CBLB: variants seen among roughly 807,000 people sequenced by gnomAD.
The protein encoded by CBLB is E3 ubiquitin-protein ligase CBL-B.
In CBLB, 31 loss-of-function variants were observed where a neutral mutation model predicts 104.9. The observed-to-expected ratio is 0.30, with a 90% CI of 0.22 to 0.40. The LOEUF (loss-of-function observed/expected upper bound fraction) is 0.40, where lower values mean the gene tolerates loss of function less well. Ranked by LOEUF, CBLB falls within the 10% of genes least tolerant of loss-of-function variation. The pLI, the probability that CBLB is intolerant of heterozygous loss-of-function variation, is 1.00. For synonymous variants in CBLB, 440 were observed against 422.6 expected (o/e 1.04, Z -0.51); for missense variants, 1,062 against 1,214.6 (o/e 0.87, Z 1.87).
intron 3 of CBLB, among the ~76,000 whole-genome samples, chr3:105,815,100 T>A (rs905524525): frequency 2.6e-5 from 4 of 152,168 alleles, no homozygotes; most frequent in African/African-American, 9.7e-5. Context: ...CTTCAGAATG[T>A]GTTTATACAT....
At chr3:105,779,554 T>C (rs1188107451) in intron 3 of CBLB, among the ~76,000 whole-genome samples, 1 of 152,006 alleles carries the variant, frequency 6.6e-6, no homozygotes, top group Non-Finnish European at 1.5e-5. Flanking sequence ...ACTTATACAC[T>C]CACACACACT....
chr3:105,719,191 C>A (rs771375689), intron 10 of CBLB, among the ~76,000 whole-genome samples: 11 of 152,306 alleles, frequency 7.2e-5, no homozygotes, highest in South Asian at 2.1e-4. Flanking sequence ...TAGATTTGAA[C>A]AAAGAATATT....
chr3:105,755,344 G>A (rs1234208718), intron 4 of CBLB, among the ~76,000 whole-genome samples: 2 of 152,160 alleles, frequency 1.3e-5, no homozygotes, highest in African/African-American at 4.8e-5. Context: ...CTGGAAAGGT[G>A]TCAGCTGGTC....
At chr3:105,798,485 C>T (rs982836009) in intron 3 of CBLB, among the ~76,000 whole-genome samples, 2 of 152,108 alleles carry the variant, frequency 1.3e-5, no homozygotes, top group Non-Finnish European at 2.9e-5. Flanking sequence ...TGGCACGTTA[C>T]ATTATAACCA....
rs143388212 is a variant in CBLB at position 105,676,221 on chromosome 3, A to G, written c.2569+2210T>C. 2.3e-3 allele frequency among the ~76,000 whole-genome samples: 349 copies of G among 152,296 alleles called. 2 individuals are homozygous for G. The highest frequency in any genetic ancestry group is 8.1e-3 in the African/African-American group (338 of 41,558). On this transcript the variant is annotated intron_variant, in intron 17 of 18. Transcript: ENST00000394030. ...CTATAAAATAAATACAACGGTTTAT[A>G]AAAATTGCATTTTAGCTAATAAGAG...
At chr3:105,670,448 T>C (rs923876392) in intron 17 of CBLB, 96 bp from the exon 18 acceptor site, 11 of 989,504 alleles carry the variant, frequency 1.1e-5, no homozygotes, top group Non-Finnish European at 1.7e-5. Flanking sequence ...ATTATGGCTT[T>C]CAAAAATAAA....
rs2066399065 is a variant in CBLB at position 105,682,178 on chromosome 3, T to C, written c.2202-360A>G. 4 of 220,066 alleles carry C rather than the reference T, an allele frequency of 1.8e-5. No individual in the cohort carries two copies. The South Asian group carries it at 3.1e-4, about 17-fold the overall frequency. 13.6% of individuals were successfully genotyped at this position (220,066 alleles called of 1,614,324 possible). A position where few individuals can be genotyped will look rare whatever the true frequency, so the allele number is the denominator to read the frequency against. On this transcript the variant is annotated intron_variant, in intron 14 of 18. Transcript: ENST00000394030. ...AGATGTATGTGCCAAGGCAAAAACATATAGCAGTCTCAATGACTTTATTAT... is the reference window on the plus strand; with the variant it reads ...AGATGTATGTGCCAAGGCAAAAACACATAGCAGTCTCAATGACTTTATTAT...
intron 3 of CBLB, among the ~76,000 whole-genome samples, chr3:105,816,105 T>C (rs1451928725): frequency 1.3e-5 from 2 of 152,056 alleles, no homozygotes; most frequent in African/African-American, 2.4e-5. Flanking sequence ...CTAATGTAGA[T>C]GATGGGTTGA....
chr3:105,686,100 T>G (rs1449859934), intron 13 of CBLB, among the ~76,000 whole-genome samples: 1 of 152,204 alleles, frequency 6.6e-6, no homozygotes, highest in Admixed American at 6.5e-5. Flanking sequence ...ATTATTTTTA[T>G]GGTTTAAATT....
At chr3:105,664,819 A>G (rs911729279) in intron 18 of CBLB, among the ~76,000 whole-genome samples, 4 of 152,136 alleles carry the variant, frequency 2.6e-5, no homozygotes, top group Admixed American at 1.3e-4. Flanking sequence ...GTACAGTTTT[A>G]CTATTTCTAA....
rs1199897451 is a variant in CBLB at position 105,695,694 on chromosome 3, C to T, written c.1960-2106G>A. Reference sequence around the variant, plus strand: ...CTGATGTATAGTAACTAAAGGATTTCTATGGCCACTGAAATGCTGTAGTGT... The same window carrying T: ...CTGATGTATAGTAACTAAAGGATTTTTATGGCCACTGAAATGCTGTAGTGT... On this transcript the variant is annotated intron_variant, in intron 12 of 18. Transcript: ENST00000394030. 2.6e-5 allele frequency among the ~76,000 whole-genome samples: 4 copies of T among 151,748 alleles called. No homozygotes were observed. In the South Asian group the frequency reaches 6.2e-4, roughly 24 times the overall value.
At chr3:105,806,902 A>C (rs2083579197) in intron 3 of CBLB, among the ~76,000 whole-genome samples, 1 of 152,206 alleles carries the variant, frequency 6.6e-6, no homozygotes, top group African/African-American at 2.4e-5. Context: ...AAAACTTAAA[A>C]AAATTTTTTA....
chr3:105,757,997 T>C (rs187833662), intron 4 of CBLB, among the ~76,000 whole-genome samples: 45 of 152,366 alleles, frequency 3.0e-4, no homozygotes, highest in African/African-American at 9.6e-4. Flanking sequence ...ATTTGTAACA[T>C]ATTTGATATG....
intron 9 of CBLB, among the ~76,000 whole-genome samples, chr3:105,721,612 A>G (rs2072839491): frequency 6.6e-6 from 1 of 152,188 alleles, no homozygotes; most frequent in African/African-American, 2.4e-5. Context: ...GGTGGTATAA[A>G]GAAATACAGA....
At chr3:105,856,821 C>G (rs1299244289) in intron 2 of CBLB, among the ~76,000 whole-genome samples, 1 of 151,932 alleles carries the variant, frequency 6.6e-6, no homozygotes, top group Admixed American at 6.6e-5. Context: ...CTTTTTTTAC[C>G]CCCTTTTTAA....
At chr3:105,734,190 A>G (rs6768096) in intron 8 of CBLB, 50 bp from the exon 9 acceptor site, 1,590,274 of 1,594,444 alleles carry the variant, frequency 1, 793,164 homozygotes, top group East Asian at 1. Context: ...TTTCCAGCAC[A>G]AATTGTTAGT....
Position 105,681,809 on chromosome 3 carries a change from A to T in CBLB, c.2211T>A (p.Asp737Glu). The stretch of plus-strand genomic sequence containing the variant: ...TTCCATTCAGCATACAGTGACCATT[A>T]TCACAAGACCTAAAGGACAGTTCAG... ...HNVKPPVRSCDNGHCMLNGTH... is the reference protein window; with the variant it reads ...HNVKPPVRSCENGHCMLNGTH... The change falls in exon 15 of 19, where the codon GAT becomes GAA. Residue 737 changes from aspartate (D) to glutamate (E), a missense_variant. By Grantham distance (45) the Asp-to-Glu change is conservative. This residue lies in a region of CBLB where 605 missense variants were observed against 582.6 expected (regional missense o/e 1.04). Coordinates refer to ENST00000394030, the MANE Select transcript of CBLB (RefSeq NM_170662.5). The T allele has an allele frequency of 6.3e-7, 1 of 1,597,394 alleles. No individual in the cohort carries two copies. The highest frequency in any genetic ancestry group is 1.1e-5 in the South Asian group (1 of 90,730).
chr3:105,721,078 G>A (rs1165309578), intron 9 of CBLB, among the ~76,000 whole-genome samples: 2 of 152,142 alleles, frequency 1.3e-5, no homozygotes, highest in Non-Finnish European at 2.9e-5. Context: ...TTGCTTTCTA[G>A]AGATAAGATG....
At chr3:105,741,801 G>A (rs979823062) in intron 6 of CBLB, among the ~76,000 whole-genome samples, 3 of 152,322 alleles carry the variant, frequency 2.0e-5, no homozygotes, top group Admixed American at 1.3e-4. Flanking sequence ...TTACAGGCGT[G>A]AGCCACCGCA....
Sources: gnomAD v4.1 joint callset for allele counts (sites outside exome capture counted in the v4.1 genomes callset) on GRCh38, gnomAD v4.1.1 for gene constraint, gnomAD v4.1.1 regional missense constraint, MANE v1.5 for transcripts, NCBI Gene and HGNC (gene_info 2026-07-23, HGNC 2026-07-21) for gene names.